The following ATP2A2 variants were observed in gnomAD, a reference collection of about 807,000 sequenced individuals.
ATP2A2 encodes the protein sarcoplasmic/endoplasmic reticulum calcium ATPase 2.
ATP2A2 carries 14 observed loss-of-function variants against 109.3 expected under a neutral mutation model. The ratio of observed to expected loss-of-function variants is 0.13; its 90% CI spans 0.08 to 0.20. The LOEUF (loss-of-function observed/expected upper bound fraction) is 0.20, where lower values mean the gene tolerates loss of function less well. Ranked by LOEUF, ATP2A2 falls within the 10% of genes least tolerant of loss-of-function variation. The probability of loss-of-function intolerance (pLI) is 1.00; values close to 1 mark genes in which losing one functional copy is unlikely to be tolerated. For synonymous variants in ATP2A2, 506 were observed against 490.9 expected (o/e 1.03, Z -0.41); for missense variants, 657 against 1,321.6 (o/e 0.50, Z 7.80).
At chr12:110,286,150 C>T (rs1872643070) in intron 3 of ATP2A2, among the ~76,000 whole-genome samples, 2 of 152,124 alleles carry the variant, frequency 1.3e-5, no homozygotes. Flanking sequence ...TCTCGAACTC[C>T]TGACCTCAGG....
At position 110,326,384 on chromosome 12, in the gene ATP2A2, G is replaced by T. The variant is rs766741286; in HGVS notation, c.545-6G>T. 2.6e-5 allele frequency: 42 copies of T among 1,613,248 alleles called. 1 individual carries two copies. The highest frequency in any genetic ancestry group is 3.6e-5 in the Non-Finnish European group (42 of 1,179,548). On this transcript the variant is annotated splice_region_variant and splice_polypyrimidine_tract_variant and intron_variant, in intron 6 of 19. Transcript: ENST00000539276. ...ATCTGTTTTTTCTGTCTCACAACCC[G>T]CTTAGGTGAATCTGTCTCTGTCATC...
Position 110,347,613 on chromosome 12 carries a change from G to GACCAA in ATP2A2, c.*1145_*1149dup. 8.2e-7 allele frequency: 1 copy of GACCAA among 1,218,220 alleles called. No individual in the cohort carries two copies. The highest frequency in any genetic ancestry group is 1.0e-6 in the Non-Finnish European group (1 of 952,824). The allele number at this position is 1,218,220 out of a possible 1,614,324, so 75.5% of individuals were successfully genotyped here. ...TTTGTAAAATCTGTAAATAGCACAT[G>GACCAA]ACCAAATGAACATATTGTATAGAAC... On this transcript the variant is annotated 3_prime_UTR_variant, in exon 20 of 20. Transcript: ENST00000539276.
chr12:110,336,154 C>T (rs961276648), intron 11 of ATP2A2, among the ~76,000 whole-genome samples: 1 of 152,172 alleles, frequency 6.6e-6, no homozygotes, highest in Non-Finnish European at 1.5e-5. Flanking sequence ...ACCTGTCTGT[C>T]ATCACCATGG....
At chr12:110,332,953 A>G (rs995426931) in intron 9 of ATP2A2, among the ~76,000 whole-genome samples, 1 of 152,256 alleles carries the variant, frequency 6.6e-6, no homozygotes, top group African/African-American at 2.4e-5. Context: ...GAAGAATTGA[A>G]TTAAGAATTT....
intron 5 of ATP2A2, among the ~76,000 whole-genome samples, chr12:110,313,870 C>T (rs1226969786): frequency 1.3e-5 from 2 of 150,466 alleles, no homozygotes; most frequent in East Asian, 4.0e-4. Context: ...ACCACCCCAC[C>T]TGGCTATTTT....
Position 110,286,640 on chromosome 12 carries a change from C to T in ATP2A2, c.219+3845C>T, listed in dbSNP as rs528004371. Among the ~76,000 whole-genome samples, 180 of 150,426 alleles carry T rather than the reference C, an allele frequency of 1.2e-3. 1 individual carries two copies. The highest frequency in any genetic ancestry group is 4.2e-3 in the African/African-American group (172 of 40,982). The stretch of plus-strand genomic sequence containing the variant: ...AGTCCTCCCCCAGAAATTATCGTAA[C>T]GTTTATTGGTAATTCTCTGTATCAT... On this transcript the variant is annotated intron_variant, in intron 3 of 19. Coordinates refer to ENST00000539276, the MANE Select transcript of ATP2A2 (RefSeq NM_170665.4).
intron 3 of ATP2A2, among the ~76,000 whole-genome samples, chr12:110,289,511 G>T (rs1481577662): frequency 6.6e-6 from 1 of 152,114 alleles, no homozygotes; most frequent in Non-Finnish European, 1.5e-5. Flanking sequence ...ACTGGACGTT[G>T]GTGGTGATTG....
intron 5 of ATP2A2, among the ~76,000 whole-genome samples, chr12:110,310,009 T>C (rs529311421): frequency 1.3e-5 from 2 of 152,294 alleles, no homozygotes; most frequent in South Asian, 4.1e-4. Context: ...TCCGGATGGA[T>C]GGAAACCAAA....
chr12:110,347,637 A>T lies in ATP2A2; in HGVS notation c.*1167A>T. The stretch of plus-strand genomic sequence containing the variant: ...TGACCAAATGAACATATTGTATAGA[A>T]CTATTTTTATTTGAATGTGGCACTA... On this transcript the variant is annotated 3_prime_UTR_variant, in exon 20 of 20. Transcript: ENST00000539276. 5.1e-6 allele frequency: 6 copies of T among 1,184,898 alleles called. No homozygotes were observed. The highest frequency in any genetic ancestry group is 6.4e-6 in the Non-Finnish European group (6 of 938,944). 73.4% of individuals were successfully genotyped at this position (1,184,898 alleles called of 1,614,324 possible). A position where few individuals can be genotyped will look rare whatever the true frequency, so the allele number is the denominator to read the frequency against.
intron 5 of ATP2A2, among the ~76,000 whole-genome samples, chr12:110,311,417 C>T (rs573885816): frequency 6.6e-6 from 1 of 151,496 alleles, no homozygotes; most frequent in African/African-American, 2.4e-5. Flanking sequence ...GTGAAACCCC[C>T]GTCTCTACTA....
rs556335407 is a variant in ATP2A2, at chr12:110,350,016, T to C, written c.*3546T>C. ...CTCGCTGCTTTCACAGCTGCAACGA[T>C]TGTGTCTGCCTCATGGGGTTTTCCT... On this transcript the variant is annotated 3_prime_UTR_variant, in exon 20 of 20. Coordinates refer to ENST00000539276, the MANE Select transcript of ATP2A2 (RefSeq NM_170665.4). The C allele has an allele frequency of 9.7e-5, 133 of 1,366,682 alleles. No individual in the cohort carries two copies. The highest frequency in any genetic ancestry group is 1.2e-4 in the Non-Finnish European group (125 of 1,058,896). The allele number at this position is 1,366,682 out of a possible 1,614,324, so 84.7% of individuals were successfully genotyped here.
intron 16 of ATP2A2, among the ~76,000 whole-genome samples, chr12:110,344,209 G>A (rs1281824229): frequency 6.6e-6 from 1 of 152,120 alleles, no homozygotes; most frequent in Admixed American, 6.5e-5. Context: ...ATGCTCCACT[G>A]TAATTCGTGG....
At chr12:110,336,676 A>G (rs191060512) in intron 11 of ATP2A2, among the ~76,000 whole-genome samples, 128 of 152,292 alleles carry the variant, frequency 8.4e-4, no homozygotes, top group Non-Finnish European at 1.5e-3. Flanking sequence ...TACTGTCCTG[A>G]GAAAACAAAA....
At chr12:110,299,405 G>A (rs1454903910) in intron 5 of ATP2A2, among the ~76,000 whole-genome samples, 1 of 152,158 alleles carries the variant, frequency 6.6e-6, no homozygotes, top group African/African-American at 2.4e-5. Flanking sequence ...AATGAGGACA[G>A]TAACATTAAG....
At chr12:110,333,943 A>C in intron 10 of ATP2A2, 69 bp from the exon 11 acceptor site, 2 of 1,601,006 alleles carry the variant, frequency 1.2e-6, no homozygotes, top group Non-Finnish European at 1.7e-6. Context: ...GTGGAAAAAA[A>C]ATATTAAAGA....
chr12:110,293,018 T>C (rs1257743740), intron 4 of ATP2A2, among the ~76,000 whole-genome samples: 3 of 152,212 alleles, frequency 2.0e-5, no homozygotes, highest in Non-Finnish European at 4.4e-5. Context: ...AAAATTCATG[T>C]TAAGTGTTGA....
At chr12:110,290,193 TA>T (rs1307047226) in intron 3 of ATP2A2, among the ~76,000 whole-genome samples, 1 of 152,216 alleles carries the variant, frequency 6.6e-6, no homozygotes, top group Non-Finnish European at 1.5e-5. Flanking sequence ...AACGGGGAAT[TA>T]ACTGGTTTTT....
rs530526691 is a variant in ATP2A2, at chr12:110,302,757, C to T, written c.463+6020C>T. Among the ~76,000 whole-genome samples, 3 of 152,212 alleles carry T rather than the reference C, an allele frequency of 2.0e-5. No individual in the cohort carries two copies. The East Asian group carries it at 5.8e-4, about 29-fold the overall frequency. ...GGGCTCACCAGCATGCACCACCACACCCAGCTGATTTTTGTAGTTGTAGTA... is the reference window on the plus strand; with the variant it reads ...GGGCTCACCAGCATGCACCACCACATCCAGCTGATTTTTGTAGTTGTAGTA... On this transcript the variant is annotated intron_variant, in intron 5 of 19. Coordinates refer to ENST00000539276, the MANE Select transcript of ATP2A2 (RefSeq NM_170665.4).
At chr12:110,318,022 T>A (rs1287369901) in intron 5 of ATP2A2, among the ~76,000 whole-genome samples, 1 of 152,210 alleles carries the variant, frequency 6.6e-6, no homozygotes, top group South Asian at 2.1e-4. Context: ...TTGCAGAGCA[T>A]CCCTTTGGCA....
Sources: allele counts gnomAD v4.1 joint callset (sites outside exome capture counted in the v4.1 genomes callset), GRCh38; gene constraint gnomAD v4.1.1; transcripts MANE v1.5; gene names NCBI Gene and HGNC (gene_info 2026-07-23, HGNC 2026-07-21).